CIT: variants seen among roughly 807,000 people sequenced by gnomAD.
The protein encoded by CIT is citron Rho-interacting kinase.
CIT carries 79 observed loss-of-function variants against 272.7 expected under a neutral mutation model. The ratio of observed to expected loss-of-function variants is 0.29; its 90% CI spans 0.24 to 0.35. The LOEUF (loss-of-function observed/expected upper bound fraction) is 0.35. Among genes scored for constraint, CIT ranks in the 10% least tolerant of loss-of-function variants. CIT has a pLI of 1.00. For missense variants in CIT, 1,909 were observed against 2,618.3 expected (o/e 0.73, Z 5.91); for synonymous variants, 948 against 995.6 (o/e 0.95, Z 0.90).
chr12:119,862,808 T>TAAAAAAAAAAAAAAAAAAAAAAAAAA (rs1157467178), intron 3 of CIT, among the ~76,000 whole-genome samples: 2 of 10,250 alleles, frequency 2.0e-4, no homozygotes, highest in Non-Finnish European at 3.8e-4. Flanking sequence ...AGACTCTACC[T>TAAAAAAAAAAAAAAAAAAAAAAAAAA]AAAAAAAAAA....
chr12:119,739,562 T>C (rs1185234825), intron 24 of CIT, among the ~76,000 whole-genome samples: 1 of 152,244 alleles, frequency 6.6e-6, no homozygotes, highest in African/African-American at 2.4e-5. Context: ...TGAGACCTAC[T>C]ATTGTGGCCA....
chr12:119,707,987 T>C (rs1203003054), intron 40 of CIT, among the ~76,000 whole-genome samples, 192 bp downstream of exon 40: 1 of 152,202 alleles, frequency 6.6e-6, no homozygotes, highest in Non-Finnish European at 1.5e-5. Context: ...ACCCACATAG[T>C]TTACAATGGC....
intron 23 of CIT, among the ~76,000 whole-genome samples, chr12:119,750,001 G>T (rs1409652284): frequency 2.0e-5 from 3 of 152,128 alleles, no homozygotes; most frequent in Non-Finnish European, 2.9e-5. Flanking sequence ...GTCCTTCTCG[G>T]CTGCTCTGAA....
intron 24 of CIT, among the ~76,000 whole-genome samples, chr12:119,739,352 G>A (rs765236864): frequency 3.9e-5 from 6 of 152,078 alleles, no homozygotes; most frequent in Non-Finnish European, 8.8e-5. Flanking sequence ...CTGTGCATGA[G>A]CTTTTTGAAA....
At chr12:119,772,025 G>A (rs1407904808) in intron 17 of CIT, among the ~76,000 whole-genome samples, 1 of 152,048 alleles carries the variant, frequency 6.6e-6, no homozygotes, top group Admixed American at 6.5e-5. Context: ...GGGGAGCTGG[G>A]GGAAATGCAG....
At position 119,779,324 on chromosome 12, in the gene CIT, T is replaced by A. The variant is rs192653292; in HGVS notation, c.1666-2482A>T. Among the ~76,000 whole-genome samples the A allele has an allele frequency of 4.6e-5, 7 of 152,274 alleles. No individual in the cohort carries two copies. The East Asian group carries it at 1.4e-3, about 29-fold the overall frequency. ...CCTCAAGCAGAGCCATATTATGGCT[T>A]TCATAACTGTGAGCACTGAGCCTGT... is the stretch of plus-strand genomic sequence containing the variant. On this transcript the variant is annotated intron_variant, in intron 13 of 47. Coordinates refer to ENST00000392521, the MANE Select transcript of CIT (RefSeq NM_001206999.2).
intron 23 of CIT, among the ~76,000 whole-genome samples, chr12:119,747,081 A>G (rs1959527792): frequency 6.6e-6 from 1 of 152,204 alleles, no homozygotes; most frequent in African/African-American, 2.4e-5. Flanking sequence ...AGGACCCCAA[A>G]GAGCTCTTGT....
At chr12:119,798,614 C>A (rs1346138170) in intron 10 of CIT, among the ~76,000 whole-genome samples, 1 of 152,170 alleles carries the variant, frequency 6.6e-6, no homozygotes, top group Non-Finnish European at 1.5e-5. Flanking sequence ...GATCCAAATC[C>A]ACTGTCTTTT....
At chr12:119,704,974 A>T (rs1321350655) in intron 40 of CIT, among the ~76,000 whole-genome samples, 1 of 152,196 alleles carries the variant, frequency 6.6e-6, no homozygotes, top group East Asian at 1.9e-4. Context: ...GTGCAGTGGC[A>T]TGATCTCGGC....
chr12:119,832,185 C>G (rs1426248422), intron 7 of CIT, among the ~76,000 whole-genome samples: 1 of 152,166 alleles, frequency 6.6e-6, no homozygotes, highest in South Asian at 2.1e-4. Flanking sequence ...GATTTTTAAA[C>G]TCTAATCTTT....
chr12:119,876,057 C>G lies in CIT; in HGVS notation c.96+16G>C, dbSNP rs751432358. The G allele has an allele frequency of 6.4e-7, 1 of 1,573,366 alleles. No homozygotes were observed. The highest frequency in any genetic ancestry group is 2.2e-5 in the East Asian group (1 of 44,476). ...GACACACACAGGTGAGCAAAGTTGG[C>G]AGGGTAGGCTGTTACCTGGAAGAAC... On this transcript the variant is annotated intron_variant, in intron 2 of 47. Transcript: ENST00000392521.
chr12:119,818,865 G>A (rs975357989), intron 9 of CIT, among the ~76,000 whole-genome samples: 2 of 152,156 alleles, frequency 1.3e-5, no homozygotes, highest in East Asian at 1.9e-4. Context: ...TTGACATCAC[G>A]ATGCCTCGGG....
At chr12:119,753,911 G>A (rs1390276551) in intron 22 of CIT, among the ~76,000 whole-genome samples, 1 of 152,142 alleles carries the variant, frequency 6.6e-6, no homozygotes, top group Non-Finnish European at 1.5e-5. Flanking sequence ...TCCAAGTGGA[G>A]ATGTCTAACG....
At chr12:119,761,554 C>T (rs1961797515) in intron 19 of CIT, among the ~76,000 whole-genome samples, 1 of 152,150 alleles carries the variant, frequency 6.6e-6, no homozygotes, top group African/African-American at 2.4e-5. Context: ...AAGCCGAAGA[C>T]AGGGGAAGTC....
intron 32 of CIT, among the ~76,000 whole-genome samples, chr12:119,716,378 CAAAAAAAAAAAAAAAAAAAAA>C (rs35690078): frequency 1.7e-3 from 30 of 17,804 alleles, no homozygotes; most frequent in East Asian, 2.5e-3. Context: ...GACTCTGTCT[CAAAAAAAAAAAAAAAAAAAAA>C]AAAAAAAAAA....
At chr12:119,831,049 A>G (rs1466659080) in intron 7 of CIT, among the ~76,000 whole-genome samples, 1 of 152,120 alleles carries the variant, frequency 6.6e-6, no homozygotes, top group Non-Finnish European at 1.5e-5. Flanking sequence ...GATTTTTTGT[A>G]GAGACTAGGT....
chr12:119,722,899 A>G (rs1399131390), intron 28 of CIT, among the ~76,000 whole-genome samples: 4 of 152,074 alleles, frequency 2.6e-5, no homozygotes, highest in Non-Finnish European at 5.9e-5. Flanking sequence ...CCAACTAAAG[A>G]TCACCTGGGG....
rs1277130249 is a variant in CIT, at chr12:119,709,783, AGAGAGTGT to A, written c.5071+460_5071+467del. Among the ~76,000 whole-genome samples, 120 of 54,708 alleles carry A rather than the reference AGAGAGTGT, an allele frequency of 2.2e-3. 1 individual carries two copies. Among genetic ancestry groups the A allele is most frequent in the Admixed American group, 2.9e-3 (13 of 4,442 alleles). The allele number at this position is 54,708 out of a possible 152,430, so 35.9% of individuals were successfully genotyped here. Reference sequence around the variant, plus strand: ...AGGAAAGAGAGAGAGAGAGAGAGAGAGAGAGTGTGTGTGTGTGTGTGTGTGTGTGTGTG... The same window carrying A: ...AGGAAAGAGAGAGAGAGAGAGAGAGAGTGTGTGTGTGTGTGTGTGTGTGTG... On this transcript the variant is annotated intron_variant, in intron 39 of 47. Coordinates refer to ENST00000392521, the MANE Select transcript of CIT (RefSeq NM_001206999.2).
chr12:119,749,405 T>G (rs1444278947), intron 23 of CIT, among the ~76,000 whole-genome samples: 2 of 152,228 alleles, frequency 1.3e-5, no homozygotes, highest in East Asian at 1.9e-4. Context: ...TATGGCATTT[T>G]GGGACCATTT....
Sources: allele counts gnomAD v4.1 joint callset (sites outside exome capture counted in the v4.1 genomes callset), GRCh38; gene constraint gnomAD v4.1.1; transcripts MANE v1.5; gene names NCBI Gene and HGNC (gene_info 2026-07-23, HGNC 2026-07-21).